The following RGS6 variants were observed in gnomAD, a reference collection of about 807,000 sequenced individuals.
The protein encoded by RGS6 is regulator of G-protein signaling 6.
In RGS6, 30 loss-of-function variants were observed where a neutral mutation model predicts 78.5. That is an observed-to-expected ratio of 0.38 (90% CI 0.29 to 0.52). The LOEUF is 0.52. Among genes scored for constraint, RGS6 ranks in the 20% least tolerant of loss-of-function variants. The pLI, the probability that RGS6 is intolerant of heterozygous loss-of-function variation, is 0.85. For missense variants in RGS6, 495 were observed against 609.7 expected (o/e 0.81, Z 1.98); for synonymous variants, 206 against 206.0 (o/e 1.00, Z 0.00).
intron 15 of RGS6, among the ~76,000 whole-genome samples, chr14:72,522,273 A>G (rs987815451): frequency 7.2e-5 from 11 of 152,198 alleles, no homozygotes; most frequent in Non-Finnish European, 1.5e-4. Flanking sequence ...TAATCCCGTC[A>G]TAAGGGCCTC....
intron 2 of RGS6, among the ~76,000 whole-genome samples, chr14:72,209,321 T>A (rs2043462860): frequency 1.3e-5 from 2 of 152,236 alleles, no homozygotes; most frequent in South Asian, 4.1e-4. Flanking sequence ...TTCTATTCTT[T>A]AAAAGGCAAT....
chr14:72,307,563 T>C (rs2067543315), intron 2 of RGS6, among the ~76,000 whole-genome samples: 1 of 152,218 alleles, frequency 6.6e-6, no homozygotes, highest in South Asian at 2.1e-4. Flanking sequence ...ATTTATCAAA[T>C]ACTGAGAGAC....
At chr14:72,448,172 G>T (rs574416415) in intron 3 of RGS6, among the ~76,000 whole-genome samples, 1 of 152,192 alleles carries the variant, frequency 6.6e-6, no homozygotes, top group African/African-American at 2.4e-5. Flanking sequence ...TAAGGGACCT[G>T]CCCAGGTTCC....
chr14:71,895,687 G>A, the RGS6 span, among the ~76,000 whole-genome samples: 1 of 152,182 alleles, frequency 6.6e-6, no homozygotes. Flanking sequence ...GTTATGCTGT[G>A]TGCAGAGTAT....
the RGS6 span, among the ~76,000 whole-genome samples, chr14:71,891,397 G>A: frequency 3.9e-5 from 6 of 152,186 alleles, no homozygotes; most frequent in African/African-American, 1.4e-4. Context: ...CTGGCTGTTG[G>A]CGAGGAGCTC....
intron 3 of RGS6, among the ~76,000 whole-genome samples, chr14:72,373,440 G>A (rs1284633007): frequency 6.6e-6 from 1 of 152,128 alleles, no homozygotes; most frequent in Non-Finnish European, 1.5e-5. Flanking sequence ...AATTTTTAGA[G>A]GCCTTAAAAT....
At chr14:72,203,359 T>C (rs527666662) in intron 2 of RGS6, among the ~76,000 whole-genome samples, 16 of 152,206 alleles carry the variant, frequency 1.1e-4, no homozygotes, top group Admixed American at 2.0e-4. Context: ...CTTTGCCAGT[T>C]AATAGCTGTT....
intron 10 of RGS6, among the ~76,000 whole-genome samples, chr14:72,475,677 A>C (rs1310972363): frequency 6.6e-6 from 1 of 152,066 alleles, no homozygotes; most frequent in Non-Finnish European, 1.5e-5. Flanking sequence ...TGCAGTGAGC[A>C]GAGATCGCGC....
At chr14:72,029,295 G>A (rs1714824283) in intron 2 of RGS6, among the ~76,000 whole-genome samples, 1 of 152,198 alleles carries the variant, frequency 6.6e-6, no homozygotes. Context: ...CAGTGGCCTT[G>A]CTGAGGAGTG....
intron 2 of RGS6, among the ~76,000 whole-genome samples, chr14:72,186,889 A>T (rs1011209080): frequency 2.6e-4 from 39 of 152,320 alleles, no homozygotes; most frequent in African/African-American, 9.1e-4. Flanking sequence ...TCTCTGGGGC[A>T]ACAGAACTTC....
chr14:72,340,423 G>A (rs568737230), intron 2 of RGS6, among the ~76,000 whole-genome samples: 14 of 152,276 alleles, frequency 9.2e-5, no homozygotes, highest in African/African-American at 1.9e-4. Flanking sequence ...CCCCAAATGC[G>A]TAGAATCACA....
At chr14:72,520,071 A>G (rs938078022) in intron 15 of RGS6, among the ~76,000 whole-genome samples, 1 of 152,198 alleles carries the variant, frequency 6.6e-6, no homozygotes, top group Non-Finnish European at 1.5e-5. Context: ...CTCTAGCCCC[A>G]TCTACTTTTT....
In RGS6 at chr14:72,431,572, C is replaced by T. The variant is rs559860445; in HGVS notation, c.185-22956C>T. On this transcript the variant is annotated intron_variant, in intron 3 of 17. Transcript: ENST00000553525. ...TTATTTTATTTTATTTTAGTAGACA[C>T]GGGATTTCACCATGTTTCCCAGGCT... Among the ~76,000 whole-genome samples the T allele has an allele frequency of 6.1e-5, 7 of 114,808 alleles. No individual in the cohort carries two copies. The South Asian group carries it at 8.4e-4, about 14-fold the overall frequency. The allele number at this position is 114,808 out of a possible 152,430, so 75.3% of individuals were successfully genotyped here.
intron 17 of RGS6, among the ~76,000 whole-genome samples, chr14:72,557,135 T>A (rs2097590075): frequency 6.6e-6 from 1 of 152,246 alleles, no homozygotes; most frequent in Non-Finnish European, 1.5e-5. Flanking sequence ...GGAGGAACCA[T>A]AACGGGTTCC....
At chr14:72,553,125 T>C (rs932697587) in intron 17 of RGS6, among the ~76,000 whole-genome samples, 1 of 152,186 alleles carries the variant, frequency 6.6e-6, no homozygotes, top group Non-Finnish European at 1.5e-5. Context: ...ATGGTGTGCA[T>C]ATAACCATAA....
chr14:72,083,029 T>G (rs538425068), intron 2 of RGS6, among the ~76,000 whole-genome samples: 1 of 152,298 alleles, frequency 6.6e-6, no homozygotes, highest in South Asian at 2.1e-4. Context: ...TGTACATACC[T>G]CTAGATGTAC....
intron 3 of RGS6, among the ~76,000 whole-genome samples, chr14:72,376,929 A>G (rs964706032): frequency 6.6e-6 from 1 of 152,320 alleles, no homozygotes; most frequent in East Asian, 1.9e-4. Flanking sequence ...CAAAGGAGAA[A>G]GAAAAAGAAT....
chr14:72,186,139 GCTGGAGATGC>G (rs1303808438), intron 2 of RGS6, among the ~76,000 whole-genome samples: 1 of 152,228 alleles, frequency 6.6e-6, no homozygotes, highest in Admixed American at 6.5e-5. Flanking sequence ...AAAGCCTATG[GCTGGAGATGC>G]CTGCCAAGGC....
At chr14:71,880,192 G>A in the RGS6 span, among the ~76,000 whole-genome samples, 4 of 152,312 alleles carry the variant, frequency 2.6e-5, no homozygotes, top group South Asian at 2.1e-4. Flanking sequence ...TAAGCAGCAC[G>A]GCATTCAAGA....
Sources: allele counts gnomAD v4.1 joint callset (sites outside exome capture counted in the v4.1 genomes callset), GRCh38; gene constraint gnomAD v4.1.1; transcripts MANE v1.5; gene names NCBI Gene and HGNC (gene_info 2026-07-23, HGNC 2026-07-21).